The following ABCC9 variants were observed in gnomAD, a reference collection of about 807,000 sequenced individuals.
The protein encoded by ABCC9 is ATP binding cassette subfamily C member 9.
ABCC9 carries 95 observed loss-of-function variants against 188.3 expected under a neutral mutation model. The observed-to-expected ratio is 0.50, with a 90% confidence interval of 0.43 to 0.60. The LOEUF (loss-of-function observed/expected upper bound fraction) is 0.60. Ranked by LOEUF, ABCC9 falls within the 20% of genes least tolerant of loss-of-function variation. The pLI is 0.00. For missense variants in ABCC9, 1,102 were observed against 1,876.3 expected, an observed-to-expected ratio of 0.59 and a Z score of 7.62; for synonymous variants, 659 against 652.7, an observed-to-expected ratio of 1.01 and a Z score of -0.15.
chr12:21,877,761 G>A (rs1479030479), intron 16 of ABCC9, among the ~76,000 whole-genome samples: 1 of 152,180 alleles, frequency 6.6e-6, no homozygotes, highest in East Asian at 1.9e-4. Flanking sequence ...GCTACTGTAG[G>A]TTTGGAAAAT....
chr12:21,813,629 A>T (rs1016147399), intron 35 of ABCC9, among the ~76,000 whole-genome samples: 1 of 152,196 alleles, frequency 6.6e-6, no homozygotes, highest in African/African-American at 2.4e-5. Flanking sequence ...ATTTTTGATC[A>T]CTTAATTGCC....
intron 35 of ABCC9, among the ~76,000 whole-genome samples, chr12:21,813,265 C>T (rs1942383658): frequency 6.6e-6 from 1 of 152,066 alleles, no homozygotes; most frequent in Admixed American, 6.6e-5. Context: ...GAGGTTTGTG[C>T]AGTGTTGATG....
At chr12:21,926,752 A>G (rs755830809) in intron 4 of ABCC9, among the ~76,000 whole-genome samples, 1 of 152,188 alleles carries the variant, frequency 6.6e-6, no homozygotes, top group African/African-American at 2.4e-5. Context: ...AGTTCCAGGC[A>G]GAGGGGCCAA....
chr12:21,836,804 C>T (rs1297290908), intron 30 of ABCC9, among the ~76,000 whole-genome samples: 1 of 152,010 alleles, frequency 6.6e-6, no homozygotes, highest in East Asian at 1.9e-4. Context: ...ACTGATAGGG[C>T]TTACATTCCA....
intron 33 of ABCC9, among the ~76,000 whole-genome samples, chr12:21,816,539 T>C (rs1942659338): frequency 6.6e-6 from 1 of 152,090 alleles, no homozygotes; most frequent in Non-Finnish European, 1.5e-5. Context: ...ATTTTAAATA[T>C]ATGTACATAG....
chr12:21,839,608 T>C (rs1377840545), intron 29 of ABCC9, among the ~76,000 whole-genome samples: 1 of 152,246 alleles, frequency 6.6e-6, no homozygotes, highest in Non-Finnish European at 1.5e-5. Context: ...CTAACAGTTA[T>C]ATCACATGTT....
chr12:21,894,693 T>C (rs1362375025), intron 13 of ABCC9, among the ~76,000 whole-genome samples: 1 of 152,038 alleles, frequency 6.6e-6, no homozygotes, highest in East Asian at 1.9e-4. Context: ...CACTGCAGCC[T>C]CGACCTCCCC....
chr12:21,828,277 A>T (rs1346853462), intron 31 of ABCC9: 1 of 153,648 alleles, frequency 6.5e-6, no homozygotes, highest in African/African-American at 2.4e-5. Context: ...TGAACCCCCT[A>T]CCAGGGCAGG....
rs561002717 is a variant in ABCC9 at position 21,876,449 on chromosome 12, G to A, written c.2020-723C>T. The stretch of plus-strand genomic sequence containing the variant: ...TGAGGAGGAAAATTTTGTAATCAAT[G>A]AGTTTCCTGAACTGTGTAGGCCAAC... On this transcript the variant is annotated intron_variant, in intron 16 of 39. Transcript: ENST00000261200. Among the ~76,000 whole-genome samples, 7 of 152,190 alleles carry A rather than the reference G, an allele frequency of 4.6e-5. No individual in the cohort carries two copies. In the South Asian group the frequency reaches 1.0e-3, roughly 23 times the overall value.
At chr12:21,916,809 T>C (rs1948618346) in intron 6 of ABCC9, 128 bp downstream of exon 6, 2 of 791,908 alleles carry the variant, frequency 2.5e-6, no homozygotes, top group East Asian at 5.8e-5. Flanking sequence ...AGTTCAACTT[T>C]ATATTTATAT....
At position 21,839,874 on chromosome 12, in the gene ABCC9, G is replaced by A. The variant is rs189787290; in HGVS notation, c.3474-1704C>T. Among the ~76,000 whole-genome samples the A allele has an allele frequency of 4.6e-5, 7 of 152,268 alleles. No individual in the cohort carries two copies. The East Asian group carries it at 1.4e-3, about 29-fold the overall frequency. On this transcript the variant is annotated intron_variant, in intron 29 of 39. Transcript: ENST00000261200. ...TTCCCTCATTCAGAATTTTCACATG[G>A]GGATTCGGGGAGAGAAAGATAGAAG...
chr12:21,914,714 T>C (rs1435274002), intron 7 of ABCC9, among the ~76,000 whole-genome samples: 1 of 152,104 alleles, frequency 6.6e-6, no homozygotes, highest in Non-Finnish European at 1.5e-5. Flanking sequence ...CTTGGTGACA[T>C]GTCCCAGAGA....
rs536748638 is a variant in ABCC9, at chr12:21,799,259, TAAAAA to T, written c.*1780_*1784del. 8.4e-6 allele frequency: 1 copy of T among 118,440 alleles called. No homozygotes were observed. The highest frequency in any genetic ancestry group is 8.4e-5 in the Admixed American group (1 of 11,840). 7.3% of individuals were successfully genotyped at this position (118,440 alleles called of 1,614,324 possible). A position where few individuals can be genotyped will look rare whatever the true frequency, so the allele number is the denominator to read the frequency against. ...ACTTAAAGTATATTAAAAAAAAAATTAAAAAAAAAAAAGAAAAAAAAAAGATTACT... is the reference window on the plus strand; with the variant it reads ...ACTTAAAGTATATTAAAAAAAAAATTAAAAAAAGAAAAAAAAAAGATTACT... On this transcript the variant is annotated 3_prime_UTR_variant, in exon 40 of 40. Transcript: ENST00000261200.
chr12:21,917,236 A>G (rs1324717938), intron 5 of ABCC9, 133 bp from the exon 6 acceptor site: 14 of 946,396 alleles, frequency 1.5e-5, no homozygotes, highest in Non-Finnish European at 2.3e-5. Flanking sequence ...TTTACTTGGT[A>G]AGAAAACAAC....
At chr12:21,877,687 T>A (rs977569746) in intron 16 of ABCC9, among the ~76,000 whole-genome samples, 1 of 152,090 alleles carries the variant, frequency 6.6e-6, no homozygotes, top group Non-Finnish European at 1.5e-5. Context: ...GCTAAGGTGA[T>A]CTGGAGAAAG....
chr12:21,933,492 A>G (rs1032166095), intron 4 of ABCC9, among the ~76,000 whole-genome samples: 4 of 152,108 alleles, frequency 2.6e-5, no homozygotes, highest in Non-Finnish European at 5.9e-5. Flanking sequence ...TGACTCATCT[A>G]TCTTTGCTTC....
chr12:21,898,248 A>C (rs145520508), intron 12 of ABCC9, among the ~76,000 whole-genome samples: 3 of 152,340 alleles, frequency 2.0e-5, no homozygotes, highest in Non-Finnish European at 4.4e-5. Context: ...ACTTATGGCA[A>C]TAATTGGCTA....
chr12:21,874,305 C>G (rs10841905), intron 17 of ABCC9, among the ~76,000 whole-genome samples: 47,912 of 151,562 alleles, frequency 0.32, 8,064 homozygotes, highest in South Asian at 0.46. Flanking sequence ...ACCATAATGA[C>G]TTATCACCTC....
At chr12:21,928,950 G>T (rs949840296) in intron 4 of ABCC9, among the ~76,000 whole-genome samples, 1 of 152,048 alleles carries the variant, frequency 6.6e-6, no homozygotes, top group Non-Finnish European at 1.5e-5. Context: ...TCCCATTACA[G>T]CAGAAAGTCT....
Sources: allele counts gnomAD v4.1 joint callset (sites outside exome capture counted in the v4.1 genomes callset), GRCh38; gene constraint gnomAD v4.1.1; transcripts MANE v1.5; gene names NCBI Gene and HGNC (gene_info 2026-07-23, HGNC 2026-07-21).